The following AP3S2 variants were observed in gnomAD, a reference collection of about 807,000 sequenced individuals.
The protein encoded by AP3S2 is AP-3 complex subunit sigma-2.
AP3S2 carries 22 observed loss-of-function variants against 23.4 expected under a neutral mutation model. That is an observed-to-expected ratio of 0.94 (90% confidence interval 0.67 to 1.34). The LOEUF is 1.34. AP3S2 is among the 40% of genes most tolerant of loss of function. The pLI is 0.00. For missense variants in AP3S2, 241 were observed against 236.9 expected, an observed-to-expected ratio of 1.02 and a Z score of -0.11; for synonymous variants, 86 against 87.1, an observed-to-expected ratio of 0.99 and a Z score of 0.07.
At chr15:89,889,795 C>T (rs933504862) in intron 1 of AP3S2, among the ~76,000 whole-genome samples, 4 of 132,832 alleles carry the variant, frequency 3.0e-5, no homozygotes, top group East Asian at 4.9e-4. Context: ...ACCCAGGAAG[C>T]GGAGGTTACA....
chr15:89,846,710 T>C (rs1056927624), intron 4 of AP3S2, among the ~76,000 whole-genome samples: 1 of 152,176 alleles, frequency 6.6e-6, no homozygotes, highest in Admixed American at 6.5e-5. Context: ...GTATTTTTAG[T>C]AGAGACAGGG....
intron 4 of AP3S2, among the ~76,000 whole-genome samples, chr15:89,868,019 C>G: frequency 1.4e-5 from 2 of 142,162 alleles, no homozygotes; most frequent in South Asian, 2.3e-4. Context: ...GGCCAGCCGC[C>G]CCGTCCAGGA....
chr15:89,849,452 C>T (rs1041999794), intron 4 of AP3S2, among the ~76,000 whole-genome samples: 1 of 152,044 alleles, frequency 6.6e-6, no homozygotes. Context: ...CTGCAACCTC[C>T]ACCTCCCAGG....
At chr15:89,865,010 C>T (rs182860824) in intron 4 of AP3S2, among the ~76,000 whole-genome samples, 1 of 152,234 alleles carries the variant, frequency 6.6e-6, no homozygotes, top group African/African-American at 2.4e-5. Flanking sequence ...CAGTACATAC[C>T]TACTAGCTGG....
intron 4 of AP3S2, among the ~76,000 whole-genome samples, chr15:89,842,112 A>T (rs1895342626): frequency 6.6e-6 from 1 of 152,160 alleles, no homozygotes; most frequent in East Asian, 1.9e-4. Flanking sequence ...GAAAGGAAAA[A>T]TACTGTTACA....
chr15:89,839,662 T>C (rs1895279604), intron 4 of AP3S2, among the ~76,000 whole-genome samples: 1 of 152,134 alleles, frequency 6.6e-6, no homozygotes. Context: ...CACTTTTGGA[T>C]ATACACTCAA....
At chr15:89,870,194 G>C (rs1469572831) in intron 4 of AP3S2, among the ~76,000 whole-genome samples, 2 of 152,134 alleles carry the variant, frequency 1.3e-5, no homozygotes, top group Non-Finnish European at 2.9e-5. Context: ...GGCTCTCCTT[G>C]ACAGAAGTTG....
intron 4 of AP3S2, among the ~76,000 whole-genome samples, chr15:89,864,538 T>C (rs1361769983): frequency 6.6e-6 from 1 of 152,092 alleles, no homozygotes; most frequent in East Asian, 1.9e-4. Flanking sequence ...CTGTCACTAC[T>C]TCTATTCAAT....
In AP3S2 at chr15:89,889,101, G is replaced by A. The variant is rs1290875142; in HGVS notation, c.109C>T (p.His37Tyr). Residue 37 changes from histidine to tyrosine, a missense_variant, in exon 2 of 6, where the codon CAT becomes TAT. By Grantham distance (83) the His-to-Tyr change is moderately conservative (BLOSUM62 2). Coordinates refer to ENST00000336418, the MANE Select transcript of AP3S2 (RefSeq NM_005829.5). Reference protein sequence around the residue: ...IQQQIVRETFHLVLKRDDNIC... With the variant: ...IQQQIVRETFYLVLKRDDNIC... The stretch of plus-strand genomic sequence containing the variant: ...TTGTCATCCCGCTTGAGGACTAGAT[G>A]GAAAGTCTCTCGAACAATCTGCTGT... 1 of 1,614,042 alleles carries A rather than the reference G, an allele frequency of 6.2e-7. No homozygotes were observed. Among genetic ancestry groups the A allele is most frequent in the Non-Finnish European group, 8.5e-7 (1 of 1,180,048 alleles).
intron 3 of AP3S2, among the ~76,000 whole-genome samples, chr15:89,885,257 T>G (rs935800121): frequency 6.6e-6 from 1 of 151,990 alleles, no homozygotes; most frequent in African/African-American, 2.4e-5. Flanking sequence ...TGTAATGGTG[T>G]GATCTCAGCT....
At chr15:89,891,660 A>C (rs1031890476) in intron 1 of AP3S2, among the ~76,000 whole-genome samples, 1 of 149,586 alleles carries the variant, frequency 6.7e-6, no homozygotes, top group East Asian at 1.9e-4. Context: ...TCTCGGAGGG[A>C]AAAAAAAAAG....
chr15:89,860,309 A>G (rs28671293), intron 4 of AP3S2, among the ~76,000 whole-genome samples: 3,060 of 152,290 alleles, frequency 0.02, 82 homozygotes, highest in African/African-American at 0.055. Flanking sequence ...AATAATAAAA[A>G]CAATTATGAC....
intron 4 of AP3S2, among the ~76,000 whole-genome samples, chr15:89,840,985 C>T (rs1272930087): frequency 1.3e-5 from 2 of 152,174 alleles, no homozygotes; most frequent in African/African-American, 4.8e-5. Context: ...CATGCTTTAT[C>T]TCCAAGGCCT....
At chr15:89,856,380 T>C (rs535183877) in intron 4 of AP3S2, among the ~76,000 whole-genome samples, 58 of 151,846 alleles carry the variant, frequency 3.8e-4, no homozygotes, top group Non-Finnish European at 7.4e-5. Context: ...TTGGCCAACA[T>C]GGCGAAACCC....
intron 3 of AP3S2, chr15:89,876,538 T>A (rs1038852647): frequency 6.6e-6 from 1 of 152,128 alleles, no homozygotes; most frequent in East Asian, 1.9e-4. Flanking sequence ...AAATATGACA[T>A]GCATAGGAAA....
At chr15:89,861,335 T>C (rs1410251938) in intron 4 of AP3S2, among the ~76,000 whole-genome samples, 3 of 152,222 alleles carry the variant, frequency 2.0e-5, no homozygotes, top group African/African-American at 7.2e-5. Context: ...CTGGATAAAT[T>C]CCCTTGACAT....
At chr15:89,886,408 C>A (rs2141900308) in intron 3 of AP3S2, 1 of 152,122 alleles carries the variant, frequency 6.6e-6, no homozygotes, top group African/African-American at 2.4e-5. Context: ...ATTGTTAATA[C>A]AAATCTCCAA....
intron 4 of AP3S2, among the ~76,000 whole-genome samples, chr15:89,843,321 T>G (rs1895378850): frequency 6.6e-6 from 1 of 151,606 alleles, no homozygotes; most frequent in East Asian, 2.0e-4. Context: ...GAAGCACTTG[T>G]GCCAACTAAC....
intron 3 of AP3S2, among the ~76,000 whole-genome samples, chr15:89,885,003 C>T (rs757950218): frequency 2.0e-5 from 3 of 152,004 alleles, no homozygotes; most frequent in Admixed American, 6.6e-5. Context: ...CCATAAAATG[C>T]GCTTAGGTAG....
Sources: gnomAD v4.1 joint callset for allele counts (sites outside exome capture counted in the v4.1 genomes callset) on GRCh38, gnomAD v4.1.1 for gene constraint, MANE v1.5 for transcripts, NCBI Gene and HGNC (gene_info 2026-07-23, HGNC 2026-07-21) for gene names.